Variants in COPB2 observed in about 807,000 individuals in gnomAD.
COPB2 encodes the protein coatomer subunit beta'.
Under a neutral mutation model 120.8 loss-of-function variants are expected in COPB2, and 16 were observed. The ratio of observed to expected loss-of-function variants is 0.13; its 90% CI spans 0.09 to 0.20. The LOEUF (loss-of-function observed/expected upper bound fraction) is 0.20. COPB2 is among the 10% of genes least tolerant of loss of function. The probability of loss-of-function intolerance (pLI) is 1.00; values close to 1 mark genes in which losing one functional copy is unlikely to be tolerated. For missense variants in COPB2, 794 were observed against 1,076.5 expected, an observed-to-expected ratio of 0.74 and a Z score of 3.67; for synonymous variants, 332 against 366.3, an observed-to-expected ratio of 0.91 and a Z score of 1.07.
At chr3:139,359,225 C>T (rs375227844) in intron 18 of COPB2, 45 bp downstream of exon 18, 2 of 1,611,650 alleles carry the variant, frequency 1.2e-6, no homozygotes, top group Admixed American at 1.7e-5. Flanking sequence ...TAAATGTGCT[C>T]TCTTTTTATT....
At chr3:139,359,428 A>G (rs1941368308) in intron 17 of COPB2, 66 bp from the exon 18 acceptor site, 2 of 1,472,628 alleles carry the variant, frequency 1.4e-6, no homozygotes, top group Admixed American at 1.9e-5. Flanking sequence ...TACTTAACAC[A>G]AAGTAAATTT....
At chr3:139,371,558 A>G (rs1215936533) in intron 10 of COPB2, among the ~76,000 whole-genome samples, 165 bp downstream of exon 10, 3 of 152,232 alleles carry the variant, frequency 2.0e-5, no homozygotes, top group Non-Finnish European at 2.9e-5. Context: ...AAGACGGCTC[A>G]TGCTATACAC....
intron 4 of COPB2, 56 bp downstream of exon 4, chr3:139,378,991 G>C (rs754896174): frequency 4.1e-5 from 62 of 1,500,162 alleles, no homozygotes; most frequent in Non-Finnish European, 5.4e-5. Context: ...ATGTCTCAGT[G>C]AATGAAAATG....
intron 20 of COPB2, 145 bp from the exon 21 acceptor site, chr3:139,358,416 C>A (rs964447485): frequency 1.3e-5 from 9 of 713,438 alleles, no homozygotes; most frequent in Non-Finnish European, 2.1e-5. Context: ...CAGTGGCTCA[C>A]GCCTGTAATC....
In COPB2 at chr3:139,368,296, A is replaced by G. The variant is rs766943793; in HGVS notation, c.1402-8T>C. ...AGAGTCAGACCAGAAAATCTGCAAC[A>G]CAACAAAATCATAGACAACTGATTT... On this transcript the variant is annotated splice_region_variant and splice_polypyrimidine_tract_variant and intron_variant, in intron 12 of 21. Transcript: ENST00000333188. 2 of 1,605,486 alleles carry G rather than the reference A, an allele frequency of 1.2e-6. No homozygotes were observed. The highest frequency in any genetic ancestry group is 1.3e-5 in the African/African-American group (1 of 74,630).
chr3:139,369,145 G>T, intron 12 of COPB2, 116 bp downstream of exon 12: 1 of 669,008 alleles, frequency 1.5e-6, no homozygotes, highest in Non-Finnish European at 2.5e-6. Context: ...TATTTTAAAT[G>T]GCTTTTGATA....
Position 139,383,293 on chromosome 3 carries a change from C to T in COPB2, c.141+5G>A, listed in dbSNP as rs1941848822. On this transcript the variant is annotated splice_donor_5th_base_variant and intron_variant, in intron 2 of 21. Transcript: ENST00000333188. ...ATTTCTAATACAGTCCTGAAAAATT[C>T]CTACCTGTGTTTCATGATTCCAAAC... 6.2e-7 allele frequency: 1 copy of T among 1,613,756 alleles called. No homozygotes were observed. Among genetic ancestry groups the T allele is most frequent in the African/African-American group, 1.3e-5 (1 of 74,978 alleles).
Position 139,362,900 on chromosome 3 carries a change from G to C in COPB2, c.1885-383C>G, listed in dbSNP as rs569958466. On this transcript the variant is annotated intron_variant, in intron 15 of 21. Transcript: ENST00000333188. ...TTTCAAAAGAAGAAAACTAGGCACA[G>C]CAGTGTAAACTTAGCTGTTGGTAAT... Among the ~76,000 whole-genome samples the C allele has an allele frequency of 1.1e-3, 171 of 152,370 alleles. 1 individual carries two copies. The highest frequency in any genetic ancestry group is 4.0e-3 in the African/African-American group (168 of 41,586).
At chr3:139,367,570 G>T (rs574943326) in intron 13 of COPB2, among the ~76,000 whole-genome samples, 2 of 151,990 alleles carry the variant, frequency 1.3e-5, no homozygotes, top group Admixed American at 1.3e-4. Flanking sequence ...TTATAGGTGT[G>T]AGCCACTGCA....
chr3:139,367,680 T>C (rs909491455), intron 13 of COPB2, among the ~76,000 whole-genome samples: 1 of 152,138 alleles, frequency 6.6e-6, no homozygotes, highest in Non-Finnish European at 1.5e-5. Context: ...ACAGAACAGA[T>C]TCCTAGATTA....
intron 5 of COPB2, 35 bp downstream of exon 5, chr3:139,378,004 TAA>T: frequency 6.7e-7 from 1 of 1,494,274 alleles, no homozygotes; most frequent in Non-Finnish European, 9.1e-7. Flanking sequence ...TATAGTTCAC[TAA>T]TAATGATAAC....
rs768857801 is a variant in COPB2, at chr3:139,361,215, A to G, written c.2076T>C (p.His692=). The G allele has an allele frequency of 6.2e-6, 10 of 1,614,248 alleles. No homozygotes were observed. The highest frequency in any genetic ancestry group is 7.6e-6 in the Non-Finnish European group (9 of 1,180,042). ...QFGLAQECLH[H]AQDYGGLLLL... is the part of the protein sequence containing the mutation. The stretch of plus-strand genomic sequence containing the variant: ...GCAGCAGGCCCCCATAATCCTGTGC[A>G]TGATGCAGGCACTCCTGGGCTAGGC... Residue 692 remains histidine, a synonymous_variant, in exon 17 of 22, where the codon CAT becomes CAC. Coordinates refer to ENST00000333188, the MANE Select transcript of COPB2 (RefSeq NM_004766.3).
upstream of COPB2, chr3:139,389,675 A>G (rs1471978420): frequency 9.4e-7 from 1 of 1,067,730 alleles, no homozygotes; most frequent in Non-Finnish European, 1.3e-6. Flanking sequence ...GATTCTCGCG[A>G]TAGTCAGAGG....
intron 1 of COPB2, among the ~76,000 whole-genome samples, chr3:139,386,384 G>C (rs1233036583): frequency 1.3e-5 from 2 of 152,114 alleles, no homozygotes; most frequent in Admixed American, 1.3e-4. Flanking sequence ...CTCCCGAGTA[G>C]CTGGGGACTA....
At chr3:139,358,324 T>G in intron 20 of COPB2, 53 bp from the exon 21 acceptor site, 1 of 1,490,402 alleles carries the variant, frequency 6.7e-7, no homozygotes, top group Non-Finnish European at 9.3e-7. Flanking sequence ...ACTCGGGAAT[T>G]TAAAGTTTTC....
At chr3:139,358,426 C>A (rs1324934517) in intron 20 of COPB2, 155 bp from the exon 21 acceptor site, 13 of 683,984 alleles carry the variant, frequency 1.9e-5, no homozygotes, top group Non-Finnish European at 2.7e-5. Flanking sequence ...CGCCTGTAAT[C>A]CCAGCACTTT....
chr3:139,382,503 A>C (rs970494625), intron 2 of COPB2: 1 of 152,254 alleles, frequency 6.6e-6, no homozygotes, highest in African/African-American at 2.4e-5. Flanking sequence ...GTATGAGTTT[A>C]GTGTACAGTC....
intron 17 of COPB2, 126 bp downstream of exon 17, chr3:139,360,955 C>G: frequency 9.8e-7 from 1 of 1,015,342 alleles, no homozygotes; most frequent in South Asian, 1.5e-5. Context: ...CTGTCCTGTT[C>G]TGACTGCCCC....
chr3:139,378,771 A>G (rs867142343), intron 4 of COPB2, among the ~76,000 whole-genome samples: 1 of 152,230 alleles, frequency 6.6e-6, no homozygotes, highest in Non-Finnish European at 1.5e-5. Context: ...CAACATGTAA[A>G]TGACCTTTCT....
Sources: gnomAD v4.1 joint callset for allele counts (sites outside exome capture counted in the v4.1 genomes callset) on GRCh38, gnomAD v4.1.1 for gene constraint, MANE v1.5 for transcripts, NCBI Gene and HGNC (gene_info 2026-07-23, HGNC 2026-07-21) for gene names.